ANKS1B: variants seen among roughly 807,000 people sequenced by gnomAD.
ANKS1B encodes the protein ankyrin repeat and sterile alpha motif domain-containing protein 1B.
In ANKS1B, 36 loss-of-function variants were observed where a neutral mutation model predicts 148.3. That is an observed-to-expected ratio of 0.24 (90% CI 0.19 to 0.32). The LOEUF is 0.32. Among genes scored for constraint, ANKS1B ranks in the 10% least tolerant of loss-of-function variants. The pLI is 1.00. For synonymous variants in ANKS1B, 542 were observed against 560.8 expected, an observed-to-expected ratio of 0.97 and a Z score of 0.47; for missense variants, 1,157 against 1,542.6, an observed-to-expected ratio of 0.75 and a Z score of 4.19.
intron 17 of ANKS1B, among the ~76,000 whole-genome samples, chr12:98,980,992 T>C (rs2099909304): frequency 6.6e-6 from 1 of 152,000 alleles, no homozygotes; most frequent in South Asian, 2.1e-4. Flanking sequence ...AGCTGCACCA[T>C]ATATTTTGTT....
intron 1 of ANKS1B, among the ~76,000 whole-genome samples, chr12:99,891,663 CTTATT>C (rs913088429): frequency 3.3e-5 from 5 of 152,048 alleles, no homozygotes; most frequent in African/African-American, 1.2e-4. Flanking sequence ...GATATTGGTA[CTTATT>C]TTAATAAACC....
chr12:99,489,749 G>A (rs1341503566), intron 10 of ANKS1B, among the ~76,000 whole-genome samples: 6 of 152,130 alleles, frequency 3.9e-5, no homozygotes, highest in African/African-American at 1.2e-4. Flanking sequence ...CAATGCTCTC[G>A]ACTTGTTTAC....
rs1306332569 is a variant in ANKS1B, at chr12:99,809,654, A to T, written c.372+2501T>A. Among the ~76,000 whole-genome samples, 4 of 152,064 alleles carry T rather than the reference A, an allele frequency of 2.6e-5. No individual in the cohort carries two copies. In the East Asian group the frequency reaches 7.7e-4, roughly 29 times the overall value. On this transcript the variant is annotated intron_variant, in intron 3 of 26. Transcript: ENST00000683438. ...GTATAATGAGAATATTATTTTCCCTATAAACCTTATAATATAGTTTATAAA... is the reference window on the plus strand; with the variant it reads ...GTATAATGAGAATATTATTTTCCCTTTAAACCTTATAATATAGTTTATAAA...
intron 15 of ANKS1B, 37 bp from the exon 16 acceptor site, chr12:99,085,060 C>G (rs1164837690): frequency 6.8e-7 from 1 of 1,480,472 alleles, no homozygotes; most frequent in Middle Eastern, 1.7e-4. Flanking sequence ...TTAAATCAAG[C>G]ATTTATACTG....
chr12:99,528,606 C>T (rs763654616), intron 9 of ANKS1B, among the ~76,000 whole-genome samples: 4 of 151,938 alleles, frequency 2.6e-5, no homozygotes, highest in Admixed American at 6.6e-5. Context: ...AGGAACATAA[C>T]ATGAATAAAA....
intron 17 of ANKS1B, among the ~76,000 whole-genome samples, chr12:98,997,634 G>C (rs988291911): frequency 2.2e-4 from 34 of 152,076 alleles, no homozygotes; most frequent in African/African-American, 7.5e-4. Flanking sequence ...CTCGTGATCT[G>C]CCTGCCTCGG....
At chr12:99,802,498 T>C (rs556880119) in intron 4 of ANKS1B, among the ~76,000 whole-genome samples, 27 of 152,342 alleles carry the variant, frequency 1.8e-4, no homozygotes, top group Non-Finnish European at 3.1e-4. Flanking sequence ...AAAGATGATA[T>C]GAAATTTGCC....
At chr12:99,278,330 C>G (rs554935277) in intron 12 of ANKS1B, among the ~76,000 whole-genome samples, 1 of 152,314 alleles carries the variant, frequency 6.6e-6, no homozygotes, top group Non-Finnish European at 1.5e-5. Flanking sequence ...TGTGTTGAAT[C>G]CTGCAAGGTC....
intron 4 of ANKS1B, among the ~76,000 whole-genome samples, chr12:99,806,148 T>A (rs2067616914): frequency 6.6e-6 from 1 of 152,222 alleles, no homozygotes; most frequent in Non-Finnish European, 1.5e-5. Context: ...AAACAATTAC[T>A]AATGATACCA....
rs1211282940 is a variant in ANKS1B, at chr12:98,907,300, A to G, written c.2779-75164T>C. Reference sequence around the variant, plus strand: ...AGTCACAGTCTTGTAATTCCAAATAACTTTAACTTGGAATTAGTATTTTGT... The same window carrying G: ...AGTCACAGTCTTGTAATTCCAAATAGCTTTAACTTGGAATTAGTATTTTGT... On this transcript the variant is annotated intron_variant, in intron 17 of 26. Transcript: ENST00000683438. 2.0e-5 allele frequency among the ~76,000 whole-genome samples: 3 copies of G among 152,206 alleles called. No individual in the cohort carries two copies. The East Asian group carries it at 5.8e-4, about 29-fold the overall frequency.
intron 11 of ANKS1B, among the ~76,000 whole-genome samples, chr12:99,436,480 T>C (rs2152768120): frequency 6.6e-6 from 1 of 152,172 alleles, no homozygotes; most frequent in East Asian, 1.9e-4. Context: ...TATTTTTTGC[T>C]GCAACCCAAT....
chr12:99,766,090 A>G (rs1264838999), intron 8 of ANKS1B, among the ~76,000 whole-genome samples: 1 of 152,178 alleles, frequency 6.6e-6, no homozygotes, highest in Non-Finnish European at 1.5e-5. Flanking sequence ...TCTCCAAATA[A>G]TTAAATGCAT....
At chr12:99,307,719 T>C (rs1422543557) in intron 12 of ANKS1B, among the ~76,000 whole-genome samples, 1 of 151,972 alleles carries the variant, frequency 6.6e-6, no homozygotes, top group Non-Finnish European at 1.5e-5. Flanking sequence ...AATGTCTTTT[T>C]TTTTTTTCTT....
chr12:99,678,921 C>T (rs1017184569), intron 8 of ANKS1B, among the ~76,000 whole-genome samples: 6 of 151,524 alleles, frequency 4.0e-5, no homozygotes, highest in African/African-American at 1.5e-4. Flanking sequence ...AGAGGACACA[C>T]AAAAAAATGG....
At chr12:98,973,185 T>C (rs958925293) in intron 17 of ANKS1B, among the ~76,000 whole-genome samples, 4 of 150,578 alleles carry the variant, frequency 2.7e-5, no homozygotes, top group African/African-American at 7.4e-5. Context: ...TTGGGTATTA[T>C]TACATTCAGT....
intron 10 of ANKS1B, among the ~76,000 whole-genome samples, chr12:99,469,246 C>T (rs566894544): frequency 0.038 from 5,243 of 136,496 alleles, 342 homozygotes; most frequent in African/African-American, 0.14. Flanking sequence ...ACAATGAGAA[C>T]ACATGGACAC....
At chr12:98,807,387 A>T (rs2099058838) in intron 20 of ANKS1B, among the ~76,000 whole-genome samples, 1 of 152,178 alleles carries the variant, frequency 6.6e-6, no homozygotes, top group African/African-American at 2.4e-5. Flanking sequence ...CATGCAAATC[A>T]TACTCAGAAA....
intron 12 of ANKS1B, among the ~76,000 whole-genome samples, chr12:99,254,264 A>T (rs2153976339): frequency 6.6e-6 from 1 of 152,332 alleles, no homozygotes; most frequent in Non-Finnish European, 1.5e-5. Flanking sequence ...ACACTAAATT[A>T]GTAGTTATCA....
chr12:99,844,031 C>A (rs1286630172), intron 1 of ANKS1B, among the ~76,000 whole-genome samples: 1 of 152,054 alleles, frequency 6.6e-6, no homozygotes, highest in Admixed American at 6.6e-5. Flanking sequence ...AGTTTCTTGG[C>A]CACATGTATG....
Sources: gnomAD v4.1 joint callset for allele counts (sites outside exome capture counted in the v4.1 genomes callset) on GRCh38, gnomAD v4.1.1 for gene constraint, MANE v1.5 for transcripts, NCBI Gene and HGNC (gene_info 2026-07-23, HGNC 2026-07-21) for gene names.